Variants in MOV10L1 observed in about 807,000 individuals in gnomAD.
MOV10L1 encodes Mov10 like RNA helicase 1.
In MOV10L1, 110 loss-of-function variants were observed where a neutral mutation model predicts 143.8. The observed-to-expected ratio is 0.76, with a 90% CI of 0.66 to 0.90. The LOEUF (loss-of-function observed/expected upper bound fraction) is 0.90, where lower values mean the gene tolerates loss of function less well. MOV10L1 is among the 40% of genes least tolerant of loss of function. The probability of loss-of-function intolerance (pLI) is 0.00; values close to 1 mark genes in which losing one functional copy is unlikely to be tolerated. For synonymous variants in MOV10L1, 593 were observed against 581.1 expected (o/e 1.02, Z -0.29); for missense variants, 1,406 against 1,526.8 (o/e 0.92, Z 1.32).
At chr22:50,116,446 C>CAA (rs559872532) in intron 8 of MOV10L1, among the ~76,000 whole-genome samples, 108 of 91,046 alleles carry the variant, frequency 1.2e-3, no homozygotes, top group Admixed American at 6.4e-3. Context: ...GACTCCGTCT[C>CAA]AAAAAAAAAA....
At chr22:50,101,687 T>A (rs1011189811) in intron 3 of MOV10L1, among the ~76,000 whole-genome samples, 7 of 152,126 alleles carry the variant, frequency 4.6e-5, no homozygotes, top group Admixed American at 1.3e-4. Context: ...AATTTTTGTA[T>A]TTTTAGTAGA....
chr22:50,128,751 G>T (rs906597205), intron 13 of MOV10L1, among the ~76,000 whole-genome samples: 1 of 151,522 alleles, frequency 6.6e-6, no homozygotes, highest in African/African-American at 2.4e-5. Flanking sequence ...CACCATATTG[G>T]CCAGTCTGGT....
intron 19 of MOV10L1, among the ~76,000 whole-genome samples, chr22:50,148,849 A>G (rs995712559): frequency 2.0e-5 from 3 of 152,068 alleles, no homozygotes; most frequent in African/African-American, 7.2e-5. Flanking sequence ...TATTTTGAGT[A>G]GAGACGGGGT....
chr22:50,138,981 C>T (rs887163644), intron 15 of MOV10L1, among the ~76,000 whole-genome samples: 9 of 151,474 alleles, frequency 5.9e-5, no homozygotes, highest in Non-Finnish European at 1.0e-4. Context: ...GGATTACAGG[C>T]GTGAGCCACC....
intron 22 of MOV10L1, among the ~76,000 whole-genome samples, chr22:50,153,434 C>T (rs1161085648): frequency 2.0e-5 from 3 of 152,220 alleles, no homozygotes; most frequent in South Asian, 2.1e-4. Context: ...GGAGGCATCA[C>T]AGGCACCACT....
At chr22:50,133,941 C>T in intron 13 of MOV10L1, 66 bp from the exon 14 acceptor site, 1 of 1,369,198 alleles carries the variant, frequency 7.3e-7, no homozygotes, top group Non-Finnish European at 1.0e-6. Flanking sequence ...ATTTTCATTA[C>T]CTTATGCCAG....
rs896588944 is a variant in MOV10L1 at position 50,125,007 on chromosome 22, T to G, written c.1570-385T>G. Among the ~76,000 whole-genome samples, 10 of 152,364 alleles carry G rather than the reference T, an allele frequency of 6.6e-5. No individual in the cohort carries two copies. The Middle Eastern group carries it at 0.01, about 155-fold the overall frequency. On this transcript the variant is annotated intron_variant, in intron 10 of 26. Transcript: ENST00000262794. ...TCAGGTAGAAGGGTAAATCTGGTCCTTGTTAGTCCACCTTGGCCAGACCTG... is the reference window on the plus strand; with the variant it reads ...TCAGGTAGAAGGGTAAATCTGGTCCGTGTTAGTCCACCTTGGCCAGACCTG...
intron 10 of MOV10L1, among the ~76,000 whole-genome samples, chr22:50,124,950 G>A (rs1056881468): frequency 3.3e-5 from 5 of 152,206 alleles, no homozygotes; most frequent in African/African-American, 1.2e-4. Context: ...AAACACCATC[G>A]TTTCTTATTT....
chr22:50,139,056 A>G (rs991737997), intron 15 of MOV10L1, among the ~76,000 whole-genome samples: 1 of 151,854 alleles, frequency 6.6e-6, no homozygotes, highest in Admixed American at 6.6e-5. Context: ...TTAGGGATAC[A>G]TCTGACAAAA....
At chr22:50,091,947 G>C in intron 1 of MOV10L1, 54 bp from the exon 2 acceptor site, 1 of 1,553,884 alleles carries the variant, frequency 6.4e-7, no homozygotes, top group East Asian at 2.2e-5. Flanking sequence ...GGGGTTCACT[G>C]TAGCGTACGC....
In MOV10L1 at chr22:50,161,589, C is replaced by T. The variant is rs1208258006; in HGVS notation, c.*140C>T. On this transcript the variant is annotated 3_prime_UTR_variant, in exon 27 of 27. Transcript: ENST00000262794. ...GTGGGTGTGGGGCTGCCAGGTTGGA[C>T]GCAGCTGCTGCTGCCCTGACTTTGG... The T allele has an allele frequency of 9.9e-6, 8 of 809,286 alleles. No homozygotes were observed. The highest frequency in any genetic ancestry group is 1.9e-5 in the South Asian group (1 of 53,096). 50.1% of individuals were successfully genotyped at this position (809,286 alleles called of 1,614,324 possible).
At chr22:50,134,764 G>C (rs916259918) in intron 15 of MOV10L1, 134 bp downstream of exon 15, 14 of 713,546 alleles carry the variant, frequency 2.0e-5, no homozygotes, top group Non-Finnish European at 2.6e-5. Flanking sequence ...GTCTACACAG[G>C]GGGTGGGCGT....
chr22:50,098,848 G>C (rs1369014687), intron 2 of MOV10L1, among the ~76,000 whole-genome samples: 1 of 152,210 alleles, frequency 6.6e-6, no homozygotes, highest in African/African-American at 2.4e-5. Flanking sequence ...GATTTCCTGC[G>C]ATTCCTAGTT....
chr22:50,126,242 T>A lies in MOV10L1; in HGVS notation c.1788T>A (p.His596Gln). 6.2e-7 allele frequency: 1 copy of A among 1,612,586 alleles called. No individual in the cohort carries two copies. Among genetic ancestry groups the A allele is most frequent in the Non-Finnish European group, 8.5e-7 (1 of 1,178,614 alleles). The change falls in exon 12 of 27, where the codon CAT (histidine) becomes CAA (glutamine). Residue 596 changes from histidine to glutamine, a missense_variant. Physicochemically the swap from His to Gln is conservative, Grantham distance 24. Around this residue, in one of 3 missense-constraint regions of MOV10L1, gnomAD observed 1,233 missense variants for 1,351.4 expected, o/e 0.91. Coordinates refer to ENST00000262794, the MANE Select transcript of MOV10L1 (RefSeq NM_018995.3). ...LILKTQEYNGHAIEYISYVTE... is the reference protein window; with the variant it reads ...LILKTQEYNGQAIEYISYVTE... ...TAAAAACTCAAGAGTACAATGGACA[T>A]GCCATCGAATACATCAGCTACGTGA...
chr22:50,143,974 GC>G (rs1279520529), intron 17 of MOV10L1, 122 bp from the exon 18 acceptor site: 13 of 1,267,144 alleles, frequency 1.0e-5, no homozygotes, highest in Non-Finnish European at 1.4e-5. Context: ...TGTGTTGGGG[GC>G]TGGCATCTGA....
In MOV10L1 at chr22:50,152,780, C is replaced by T. The variant is rs973751101; in HGVS notation, c.2893-265C>T. 2.6e-5 allele frequency among the ~76,000 whole-genome samples: 4 copies of T among 152,158 alleles called. No individual in the cohort carries two copies. Among genetic ancestry groups the T allele is most frequent in the African/African-American group, 9.7e-5 (4 of 41,444 alleles). On this transcript the variant is annotated intron_variant, in intron 21 of 26. Coordinates refer to ENST00000262794, the MANE Select transcript of MOV10L1 (RefSeq NM_018995.3). The surrounding 1 kb of genome is among the most constrained non-coding windows in gnomAD (Gnocchi z 4.4). ...AGGAGCCCTTTAAGAGGCCCCTCAG[C>T]GGCACCCAGACCCAGGAGAGGAACA...
At chr22:50,108,522 C>A in intron 4 of MOV10L1, 135 bp from the exon 5 acceptor site, 1 of 912,498 alleles carries the variant, frequency 1.1e-6, no homozygotes, top group Non-Finnish European at 1.7e-6. Context: ...AATCACTGGA[C>A]CAGTGCTACG....
At chr22:50,098,225 G>A (rs1299216672) in intron 2 of MOV10L1, among the ~76,000 whole-genome samples, 1 of 151,126 alleles carries the variant, frequency 6.6e-6, no homozygotes, top group South Asian at 2.1e-4. Context: ...TAAGTATTAA[G>A]ATTAACATCT....
At chr22:50,090,650 C>A in intron 1 of MOV10L1, 1 of 1,074,266 alleles carries the variant, frequency 9.3e-7, no homozygotes, top group Non-Finnish European at 1.4e-6. Context: ...CCCGGATGCC[C>A]TCACCGTTCC....
Sources: gnomAD v4.1 joint callset for allele counts (sites outside exome capture counted in the v4.1 genomes callset) on GRCh38, gnomAD v4.1.1 for gene constraint, gnomAD v4.1.1 regional missense constraint, Gnocchi (gnomAD v3.1) non-coding constraint, MANE v1.5 for transcripts, NCBI Gene and HGNC (gene_info 2026-07-23, HGNC 2026-07-21) for gene names.